The following GTF2F2 variants were observed in gnomAD, a reference collection of about 807,000 sequenced individuals.
GTF2F2 encodes the protein general transcription factor IIF subunit 2.
A neutral mutation model predicts 42.2 loss-of-function variants in GTF2F2; 23 were observed. The observed-to-expected ratio is 0.55, with a 90% CI of 0.39 to 0.77. The LOEUF (loss-of-function observed/expected upper bound fraction) is 0.77. Ranked by LOEUF, GTF2F2 falls within the 30% of genes least tolerant of loss-of-function variation. The pLI, the probability that GTF2F2 is intolerant of heterozygous loss-of-function variation, is 0.00. For synonymous variants in GTF2F2, 105 were observed against 100.8 expected, an observed-to-expected ratio of 1.04 and a Z score of -0.25; for missense variants, 261 against 287.2, an observed-to-expected ratio of 0.91 and a Z score of 0.66.
At chr13:45,213,068 ATTCTTATTCTTC>A (rs1873757094) in intron 5 of GTF2F2, among the ~76,000 whole-genome samples, 1 of 142,874 alleles carries the variant, frequency 7.0e-6, no homozygotes, top group African/African-American at 2.6e-5. Context: ...TTATTTATTT[ATTCTTATTCTTC>A]TTCTTATTAT....
chr13:45,127,110 A>G (rs1478029641), intron 1 of GTF2F2, among the ~76,000 whole-genome samples: 1 of 152,072 alleles, frequency 6.6e-6, no homozygotes, highest in East Asian at 1.9e-4. Context: ...TGGGAAGCCA[A>G]TTTCTGTAAG....
intron 5 of GTF2F2, among the ~76,000 whole-genome samples, chr13:45,246,266 C>T (rs1287475437): frequency 6.6e-6 from 1 of 152,024 alleles, no homozygotes; most frequent in African/African-American, 2.4e-5. Context: ...CCTCCTTGGC[C>T]TTCCAAAGTG....
chr13:45,163,085 A>T (rs113169529), intron 4 of GTF2F2, among the ~76,000 whole-genome samples: 2 of 151,980 alleles, frequency 1.3e-5, no homozygotes, highest in African/African-American at 2.4e-5. Context: ...GTGTTAGGCA[A>T]TGTGCTCCAA....
At chr13:45,281,369 A>G (rs1379267108) in intron 7 of GTF2F2, among the ~76,000 whole-genome samples, 1 of 152,156 alleles carries the variant, frequency 6.6e-6, no homozygotes, top group African/African-American at 2.4e-5. Flanking sequence ...CCTACCCCTA[A>G]CTAAAAGGAC....
At chr13:45,187,147 T>C (rs1470630777) in intron 4 of GTF2F2, among the ~76,000 whole-genome samples, 1 of 152,168 alleles carries the variant, frequency 6.6e-6, no homozygotes, top group Admixed American at 6.5e-5. Context: ...CCCAGCACTT[T>C]GGGAGACCAA....
At chr13:45,271,495 G>A (rs1184841564) in intron 7 of GTF2F2, among the ~76,000 whole-genome samples, 1 of 151,654 alleles carries the variant, frequency 6.6e-6, no homozygotes, top group Non-Finnish European at 1.5e-5. Flanking sequence ...CGATTCTTCT[G>A]CCTCATCCTT....
chr13:45,120,701 A>G lies in GTF2F2; in HGVS notation c.46A>G (p.Thr16Ala). Residue 16 changes from threonine (T) to alanine (A), a missense_variant, in exon 1 of 8, where the codon ACA becomes GCA. Thr to Ala is a moderately conservative substitution (Grantham distance 58). Transcript: ENST00000340473. ...ELDLTGAKQN[T>A]GVWLVKVPKY... ...CGACTTGACCGGCGCCAAACAGAAC[A>G]CAGGAGTGTGGCTAGTCAAGGTAAT... 1 of 1,560,976 alleles carries G rather than the reference A, an allele frequency of 6.4e-7. No homozygotes were observed. Among genetic ancestry groups the G allele is most frequent in the Non-Finnish European group, 8.7e-7 (1 of 1,151,384 alleles).
chr13:45,231,489 G>GGA (rs1204936358), intron 5 of GTF2F2, among the ~76,000 whole-genome samples: 5 of 152,122 alleles, frequency 3.3e-5, no homozygotes, highest in South Asian at 2.1e-4. Context: ...TCCTCTCAAT[G>GGA]GAGAGAGAGA....
chr13:45,155,905 A>G (rs1870735278), intron 4 of GTF2F2, among the ~76,000 whole-genome samples: 1 of 152,056 alleles, frequency 6.6e-6, no homozygotes, highest in Non-Finnish European at 1.5e-5. Context: ...TGGTAACCAT[A>G]GATCATTTCT....
intron 5 of GTF2F2, among the ~76,000 whole-genome samples, chr13:45,232,428 A>G (rs193050672): frequency 5.2e-4 from 79 of 152,072 alleles, no homozygotes; most frequent in South Asian, 1.0e-3. Context: ...GGAATTCAAG[A>G]CCAGCCTGGG....
At chr13:45,203,714 G>C (rs968959520) in intron 4 of GTF2F2, among the ~76,000 whole-genome samples, 1 of 152,170 alleles carries the variant, frequency 6.6e-6, no homozygotes, top group Non-Finnish European at 1.5e-5. Context: ...AGACGTGTGT[G>C]GGAGTACTAG....
intron 6 of GTF2F2, among the ~76,000 whole-genome samples, chr13:45,256,811 C>T (rs866282341): frequency 3.3e-5 from 5 of 151,892 alleles, no homozygotes; most frequent in Non-Finnish European, 7.4e-5. Context: ...AATTTTAACT[C>T]GATATAATGT....
intron 4 of GTF2F2, among the ~76,000 whole-genome samples, chr13:45,162,333 A>G (rs2138133333): frequency 6.6e-6 from 1 of 152,330 alleles, no homozygotes; most frequent in East Asian, 1.9e-4. Context: ...GCCCTATGGA[A>G]GGAGTAAGGA....
chr13:45,125,676 GA>G (rs1312014883), intron 1 of GTF2F2, among the ~76,000 whole-genome samples: 1 of 152,140 alleles, frequency 6.6e-6, no homozygotes, highest in Admixed American at 6.5e-5. Flanking sequence ...GTGAGGTGGG[GA>G]CTTCATTTTT....
At chr13:45,206,297 A>G (rs530965256) in intron 4 of GTF2F2, 4 of 152,202 alleles carry the variant, frequency 2.6e-5, no homozygotes, top group Admixed American at 6.5e-5. Flanking sequence ...TTTTTAGTAT[A>G]AATATGTAGG....
intron 1 of GTF2F2, among the ~76,000 whole-genome samples, chr13:45,127,992 G>A (rs1353250652): frequency 9.5e-6 from 1 of 104,938 alleles, no homozygotes; most frequent in African/African-American, 3.7e-5. Flanking sequence ...GACGGGTCTT[G>A]CTCTGTCACC....
intron 7 of GTF2F2, among the ~76,000 whole-genome samples, chr13:45,270,027 T>A (rs1447189869): frequency 6.6e-6 from 1 of 152,166 alleles, no homozygotes; most frequent in African/African-American, 2.4e-5. Context: ...AGATGAGGTT[T>A]CACCATGTTG....
chr13:45,236,801 T>C (rs561224913), intron 5 of GTF2F2, among the ~76,000 whole-genome samples: 2 of 152,330 alleles, frequency 1.3e-5, no homozygotes, highest in Non-Finnish European at 2.9e-5. Context: ...AAACAGTTAC[T>C]TTTTATTCAT....
At position 45,191,225 on chromosome 13, in the gene GTF2F2, ATAT is replaced by A. The variant is rs1450238455; in HGVS notation, c.305-16198_305-16196del. On this transcript the variant is annotated intron_variant, in intron 4 of 7. Transcript: ENST00000340473. ...TCTCTACTAAAAATACAAAAAAAAA[ATAT>A]ATATATATATATATATATATATATA... 3.5e-3 allele frequency among the ~76,000 whole-genome samples: 210 copies of A among 60,354 alleles called. 7 individuals are homozygous for A. Among genetic ancestry groups the A allele is most frequent in the Middle Eastern group, 6.3e-3 (1 of 160 alleles). 39.6% of individuals were successfully genotyped at this position (60,354 alleles called of 152,430 possible).
Sources: allele counts gnomAD v4.1 joint callset (sites outside exome capture counted in the v4.1 genomes callset), GRCh38; gene constraint gnomAD v4.1.1; transcripts MANE v1.5; gene names NCBI Gene and HGNC (gene_info 2026-07-23, HGNC 2026-07-21).